ZNF652: variants seen among roughly 807,000 people sequenced by gnomAD.
The protein encoded by ZNF652 is zinc finger protein 652.
In ZNF652, 16 loss-of-function variants were observed where a neutral mutation model predicts 45.2. The observed-to-expected ratio is 0.35, with a 90% CI of 0.24 to 0.54. ZNF652 has a LOEUF of 0.54. Among genes scored for constraint, ZNF652 ranks in the 20% least tolerant of loss-of-function variants. The pLI is 0.91. For missense variants in ZNF652, 614 were observed against 765.6 expected, an observed-to-expected ratio of 0.80 and a Z score of 2.34; for synonymous variants, 250 against 260.6, an observed-to-expected ratio of 0.96 and a Z score of 0.39.
At chr17:49,299,455 A>G (rs1213550822) in intron 5 of ZNF652, among the ~76,000 whole-genome samples, 1 of 152,102 alleles carries the variant, frequency 6.6e-6, no homozygotes, top group Non-Finnish European at 1.5e-5. Flanking sequence ...ATCTTGGCTC[A>G]CTGCAACCTC....
At chr17:49,311,556 C>T in intron 4 of ZNF652, 100 bp from the exon 5 acceptor site, 1 of 1,277,544 alleles carries the variant, frequency 7.8e-7, no homozygotes, top group East Asian at 2.4e-5. Flanking sequence ...TTTTCATATT[C>T]AAAATAGAAC....
At position 49,350,423 on chromosome 17, in the gene ZNF652, C is replaced by T. The variant is rs1287620372; in HGVS notation, c.-259+11486G>A. Among the ~76,000 whole-genome samples, 4 of 151,696 alleles carry T rather than the reference C, an allele frequency of 2.6e-5. No individual in the cohort carries two copies. In the East Asian group the frequency reaches 7.8e-4, roughly 30 times the overall value. ...ACGTGGTGATGCGTGCCTGTAATCC[C>T]AGCTACTCGGGAGGCTGAGGCAGGA... is the stretch of plus-strand genomic sequence containing the variant. On this transcript the variant is annotated intron_variant, in intron 1 of 5. Transcript: ENST00000430262.
chr17:49,337,631 T>C (rs999618019), intron 1 of ZNF652, among the ~76,000 whole-genome samples: 4 of 152,238 alleles, frequency 2.6e-5, no homozygotes, highest in African/African-American at 7.2e-5. Flanking sequence ...TTACTAAAAC[T>C]ACTGCTACTC....
rs760983042 is a variant in ZNF652, at chr17:49,298,552, TGGTGTGGGTGGTGAG to T, written c.1667_1681del (p.Pro556_His560del). 6.9e-6 allele frequency: 11 copies of T among 1,596,182 alleles called. No individual in the cohort carries two copies. Among genetic ancestry groups the T allele is most frequent in the East Asian group, 4.5e-5 (2 of 44,388 alleles). On this transcript the variant is annotated inframe_deletion, in exon 6 of 6. Transcript: ENST00000430262. ...GTGAGGGACTGGAGGGATGGGAAGG[TGGTGTGGGTGGTGAG>T]GGTGTGGGTGGATGTGCAGGTGTGA...
intron 1 of ZNF652, among the ~76,000 whole-genome samples, chr17:49,329,251 T>C (rs2069998026): frequency 6.6e-6 from 1 of 152,222 alleles, no homozygotes; most frequent in Non-Finnish European, 1.5e-5. Context: ...TGCAACAAAA[T>C]GGTAAGCTTT....
intron 5 of ZNF652, among the ~76,000 whole-genome samples, chr17:49,300,071 T>C (rs1050743694): frequency 6.6e-6 from 1 of 152,326 alleles, no homozygotes; most frequent in Middle Eastern, 3.4e-3. Flanking sequence ...TGTCTATTCA[T>C]ACACAATCCT....
intron 1 of ZNF652, among the ~76,000 whole-genome samples, chr17:49,330,951 C>A (rs1241346283): frequency 6.6e-6 from 1 of 151,228 alleles, no homozygotes; most frequent in East Asian, 2.0e-4. Flanking sequence ...GTGACACATG[C>A]CTGTAATCCC....
intron 1 of ZNF652, among the ~76,000 whole-genome samples, chr17:49,320,884 G>GTT (rs2069880921): frequency 6.6e-6 from 1 of 151,460 alleles, no homozygotes; most frequent in African/African-American, 2.4e-5. Flanking sequence ...ACGGAGTCTC[G>GTT]CTGTCACCCA....
chr17:49,312,935 C>G (rs113458938), intron 2 of ZNF652, 90 bp from the exon 3 acceptor site: 10 of 1,348,712 alleles, frequency 7.4e-6, no homozygotes, highest in Middle Eastern at 1.9e-4. Context: ...GCTTTAGGTT[C>G]ATGGCACAAG....
At chr17:49,347,268 T>C (rs1204256151) in intron 1 of ZNF652, among the ~76,000 whole-genome samples, 1 of 152,172 alleles carries the variant, frequency 6.6e-6, no homozygotes, top group African/African-American at 2.4e-5. Flanking sequence ...ATTATAGAAT[T>C]AAACATTATT....
chr17:49,331,851 C>A (rs1299927915), intron 1 of ZNF652, among the ~76,000 whole-genome samples: 1 of 152,276 alleles, frequency 6.6e-6, no homozygotes, highest in South Asian at 2.1e-4. Flanking sequence ...TGCCTGTAGT[C>A]CCAGCTATTT....
chr17:49,342,101 G>T (rs942932290), intron 1 of ZNF652, among the ~76,000 whole-genome samples: 5 of 151,734 alleles, frequency 3.3e-5, no homozygotes, highest in East Asian at 3.9e-4. Flanking sequence ...CAGGAGAATC[G>T]CTTTAACCCG....
chr17:49,319,351 C>T (rs1028358595), intron 1 of ZNF652, among the ~76,000 whole-genome samples: 3 of 151,216 alleles, frequency 2.0e-5, no homozygotes, highest in African/African-American at 2.4e-5. Flanking sequence ...AAGACAGTGT[C>T]GGGCCAGGCG....
chr17:49,353,430 G>A lies in ZNF652; in HGVS notation c.-259+8479C>T, dbSNP rs1015346556. Reference sequence around the variant, plus strand: ...AGTGATCCTTCCGCCTCAGCTTCCCGAAGTGATGGCATTACAGGTGTGAGA... The same window carrying A: ...AGTGATCCTTCCGCCTCAGCTTCCCAAAGTGATGGCATTACAGGTGTGAGA... On this transcript the variant is annotated intron_variant, in intron 1 of 5. Coordinates refer to ENST00000430262, the MANE Select transcript of ZNF652 (RefSeq NM_001145365.3). Among the ~76,000 whole-genome samples, 15 of 152,024 alleles carry A rather than the reference G, an allele frequency of 9.9e-5. No individual in the cohort carries two copies. In the South Asian group the frequency reaches 1.9e-3, roughly 19 times the overall value.
At chr17:49,336,553 C>T (rs940425517) in intron 1 of ZNF652, among the ~76,000 whole-genome samples, 2 of 151,742 alleles carry the variant, frequency 1.3e-5, no homozygotes, top group Non-Finnish European at 2.9e-5. Context: ...GATCTTGAAC[C>T]TCTGACCTCA....
intron 1 of ZNF652, among the ~76,000 whole-genome samples, chr17:49,354,622 A>C (rs949085932): frequency 5.3e-5 from 8 of 150,068 alleles, no homozygotes; most frequent in East Asian, 1.9e-4. Flanking sequence ...AAAAAAAAAA[A>C]CAAAAAAACA....
At chr17:49,336,402 TC>T (rs2070082114) in intron 1 of ZNF652, among the ~76,000 whole-genome samples, 1 of 147,664 alleles carries the variant, frequency 6.8e-6, no homozygotes, top group Non-Finnish European at 1.5e-5. Flanking sequence ...TGATCTCAGC[TC>T]ACTGCAACCG....
chr17:49,355,225 T>TA (rs148984843), intron 1 of ZNF652, among the ~76,000 whole-genome samples: 2 of 152,010 alleles, frequency 1.3e-5, no homozygotes, highest in Non-Finnish European at 2.9e-5. Flanking sequence ...TTACATTAGA[T>TA]AAAAAACTTT....
chr17:49,347,680 C>T (rs1462306397), intron 1 of ZNF652, among the ~76,000 whole-genome samples: 1 of 150,936 alleles, frequency 6.6e-6, no homozygotes, highest in African/African-American at 2.4e-5. Context: ...TAGAATTATA[C>T]ACCACTACCT....
Sources: allele counts gnomAD v4.1 joint callset (sites outside exome capture counted in the v4.1 genomes callset), GRCh38; gene constraint gnomAD v4.1.1; transcripts MANE v1.5; gene names NCBI Gene and HGNC (gene_info 2026-07-23, HGNC 2026-07-21).